The following TEX15 variants were observed in gnomAD, a reference collection of about 807,000 sequenced individuals.
The protein encoded by TEX15 is testis expressed 15, meiosis and synapsis associated, also known as testis-expressed protein 15.
Under a neutral mutation model 237.3 loss-of-function variants are expected in TEX15, and 171 were observed. The ratio of observed to expected loss-of-function variants is 0.72; its 90% CI spans 0.64 to 0.82. The LOEUF (loss-of-function observed/expected upper bound fraction) is 0.82, where lower values mean the gene tolerates loss of function less well. TEX15 is among the 40% of genes least tolerant of loss of function. The pLI, the probability that TEX15 is intolerant of heterozygous loss-of-function variation, is 0.00. For synonymous variants in TEX15, 1,338 were observed against 1,269.8 expected, an observed-to-expected ratio of 1.05 and a Z score of -1.14; for missense variants, 3,750 against 3,646.5, an observed-to-expected ratio of 1.03 and a Z score of -0.73.
intron 1 of TEX15, among the ~76,000 whole-genome samples, chr8:30,912,055 C>T (rs1019259087): frequency 2.6e-5 from 4 of 152,216 alleles, no homozygotes; most frequent in Non-Finnish European, 5.9e-5. Flanking sequence ...CACCGCATCC[C>T]GGGCGCGCCA....
intron 7 of TEX15, among the ~76,000 whole-genome samples, chr8:30,858,216 AG>A (rs112513010): frequency 0.013 from 1,974 of 152,058 alleles, 45 homozygotes; most frequent in African/African-American, 0.045. Flanking sequence ...CCTAATACTG[AG>A]CAAAATACCT....
At chr8:30,895,973 T>C (rs1341584575) in intron 2 of TEX15, among the ~76,000 whole-genome samples, 7 of 152,106 alleles carry the variant, frequency 4.6e-5, no homozygotes, top group Non-Finnish European at 1.0e-4. Context: ...TGAGCTACCA[T>C]GCCTGGCCAA....
rs183768312 is a variant in TEX15, at chr8:30,864,584, G to A, written c.540+2681C>T. Among the ~76,000 whole-genome samples the A allele has an allele frequency of 4.9e-3, 611 of 124,784 alleles. 5 individuals carry two copies. Among genetic ancestry groups the A allele is most frequent in the African/African-American group, 0.017 (584 of 33,818 alleles). 81.9% of individuals were successfully genotyped at this position (124,784 alleles called of 152,430 possible). On this transcript the variant is annotated intron_variant, in intron 5 of 10. Coordinates refer to ENST00000643185, the MANE Select transcript of TEX15 (RefSeq NM_001350162.2). ...AGCCAGCAAACTATCCTTCAGAAAT[G>A]AAGAAGAAATAGGAGGGATAATTTC...
rs147204143 is a variant in TEX15 at position 30,847,652 on chromosome 8, G to A, written c.2515C>T (p.Leu839=). The part of the protein sequence containing the change: ...YVEDRGQDHN[L]FCNSQLSNDI... Reference sequence around the variant, plus strand: ...TTGCTTAACTGTGAATTACAGAACAGATTGTGATCCTGACCCCTATCTTCA... The same window carrying A: ...TTGCTTAACTGTGAATTACAGAACAAATTGTGATCCTGACCCCTATCTTCA... The change falls in exon 8 of 11, where the codon CTG becomes TTG. Residue 839 remains leucine (L), a synonymous_variant. Coordinates refer to ENST00000643185, the MANE Select transcript of TEX15 (RefSeq NM_001350162.2). The A allele has an allele frequency of 5.7e-4, 926 of 1,613,766 alleles. 3 individuals are homozygous for A. Among genetic ancestry groups the A allele is most frequent in the Admixed American group, 1.5e-3 (87 of 59,998 alleles).
At chr8:30,901,044 G>A (rs770256737) in intron 1 of TEX15, among the ~76,000 whole-genome samples, 32 of 152,298 alleles carry the variant, frequency 2.1e-4, no homozygotes, top group Middle Eastern at 6.8e-3. Flanking sequence ...AGGCTGAGGT[G>A]CGAGGATAAC....
At chr8:30,907,672 ATTATATATAAAATT>A (rs1017091473) in intron 1 of TEX15, among the ~76,000 whole-genome samples, 3 of 138,306 alleles carry the variant, frequency 2.2e-5, no homozygotes, top group East Asian at 2.0e-4. Flanking sequence ...TTATATATAA[ATTATATATAAAATT>A]TTATATATAA....
At chr8:30,873,106 C>T (rs1808327511) in intron 4 of TEX15, among the ~76,000 whole-genome samples, 1 of 152,116 alleles carries the variant, frequency 6.6e-6, no homozygotes, top group African/African-American at 2.4e-5. Context: ...CAACATATTC[C>T]TGTCATTAAG....
intron 7 of TEX15, among the ~76,000 whole-genome samples, chr8:30,850,751 T>G (rs1807763386): frequency 1.3e-5 from 2 of 152,064 alleles, no homozygotes; most frequent in Admixed American, 1.3e-4. Context: ...AATCTTGGCA[T>G]AGGAAAGTAC....
intron 3 of TEX15, 131 bp downstream of exon 3, chr8:30,887,036 T>A: frequency 1.3e-6 from 1 of 742,222 alleles, no homozygotes; most frequent in East Asian, 2.9e-5. Context: ...TAAGTACATG[T>A]ATGTTTAAGG....
Position 30,844,257 on chromosome 8 carries a change from G to A in TEX15, c.5910C>T (p.Val1970=), listed in dbSNP as rs1585282567. The A allele has an allele frequency of 6.2e-7, 1 of 1,613,126 alleles. No individual in the cohort carries two copies. Among genetic ancestry groups the A allele is most frequent in the African/African-American group, 1.3e-5 (1 of 74,972 alleles). Residue 1970 remains valine, a synonymous_variant, in exon 8 of 11, where the codon GTC becomes GTT. Transcript: ENST00000643185. ...ACGCAGGTTTCTTCAGAAGAGTAGG[G>A]ACTTTACAGGTTTCAGAGTGGGCAG... ...ILPAHSETCK[V]PTLLKKPASY... is the part of the protein sequence containing the mutation.
chr8:30,890,336 A>G (rs1022995575), intron 2 of TEX15, among the ~76,000 whole-genome samples: 1 of 152,210 alleles, frequency 6.6e-6, no homozygotes, highest in African/African-American at 2.4e-5. Flanking sequence ...ATTCAAGAAG[A>G]AATAAAAACA....
intron 2 of TEX15, among the ~76,000 whole-genome samples, chr8:30,894,963 CA>C (rs1301512600): frequency 6.6e-6 from 1 of 152,052 alleles, no homozygotes; most frequent in Non-Finnish European, 1.5e-5. Context: ...CACCAGCTAC[CA>C]AATCTGCCAG....
rs1388119368 is a variant in TEX15 at position 30,842,422 on chromosome 8, G to A, written c.7745C>T (p.Thr2582Ile). The A allele has an allele frequency of 1.2e-6, 2 of 1,613,444 alleles. No homozygotes were observed. Among genetic ancestry groups the A allele is most frequent in the African/African-American group, 1.3e-5 (1 of 74,858 alleles). Residue 2582 changes from threonine (T) to isoleucine (I), a missense_variant, in exon 8 of 11, where the codon ACA (threonine) becomes ATA (isoleucine). Thr to Ile is a moderately conservative substitution (Grantham distance 89). Coordinates refer to ENST00000643185, the MANE Select transcript of TEX15 (RefSeq NM_001350162.2). ...IASINYGSTV[T>I]ELEYNYNQFS... is the part of the protein sequence containing the mutation. ...TTGATTGTAGTTGTATTCTAACTCTGTCACAGTGCTTCCATAATTTATGGA... is the reference window on the plus strand; with the variant it reads ...TTGATTGTAGTTGTATTCTAACTCTATCACAGTGCTTCCATAATTTATGGA...
At chr8:30,851,678 A>C (rs780247431) in intron 7 of TEX15, among the ~76,000 whole-genome samples, 2 of 151,032 alleles carry the variant, frequency 1.3e-5, no homozygotes, top group Non-Finnish European at 2.9e-5. Flanking sequence ...CCAATGTGGG[A>C]AAAGAAACCT....
chr8:30,884,441 T>A (rs906030000), intron 3 of TEX15, among the ~76,000 whole-genome samples: 10 of 152,236 alleles, frequency 6.6e-5, no homozygotes, highest in African/African-American at 2.4e-4. Flanking sequence ...CTACTAGTAC[T>A]CACCAGTGAA....
intron 2 of TEX15, among the ~76,000 whole-genome samples, chr8:30,893,537 C>T (rs1025187126): frequency 1.3e-5 from 2 of 152,112 alleles, no homozygotes; most frequent in Non-Finnish European, 2.9e-5. Context: ...TGATCTTGCC[C>T]TTGATTTTAA....
chr8:30,833,838 ATTTCTT>A (rs1240385178), intron 10 of TEX15, among the ~76,000 whole-genome samples: 1 of 152,102 alleles, frequency 6.6e-6, no homozygotes, highest in Non-Finnish European at 1.5e-5. Context: ...GTAAATGATT[ATTTCTT>A]TTTCTTTTAT....
At chr8:30,910,297 A>AT (rs1809191401) in intron 1 of TEX15, among the ~76,000 whole-genome samples, 1 of 152,262 alleles carries the variant, frequency 6.6e-6, no homozygotes, top group Non-Finnish European at 1.5e-5. Context: ...TTTGTAAAAC[A>AT]TTTTTTAACA....
intron 1 of TEX15, among the ~76,000 whole-genome samples, chr8:30,901,925 C>T (rs1809012836): frequency 6.6e-6 from 1 of 152,158 alleles, no homozygotes; most frequent in Admixed American, 6.5e-5. Flanking sequence ...AGCTGGGGGA[C>T]ACCTAACAAG....
Sources: allele counts gnomAD v4.1 joint callset (sites outside exome capture counted in the v4.1 genomes callset), GRCh38; gene constraint gnomAD v4.1.1; transcripts MANE v1.5; gene names NCBI Gene and HGNC (gene_info 2026-07-23, HGNC 2026-07-21).